TBXAS1: variants seen among roughly 807,000 people sequenced by gnomAD.
TBXAS1 encodes thromboxane-A synthase.
Under a neutral mutation model 60.7 loss-of-function variants are expected in TBXAS1, and 48 were observed. The ratio of observed to expected loss-of-function variants is 0.79; its 90% CI spans 0.63 to 1.01. TBXAS1 has a LOEUF of 1.01. Ranked by LOEUF, TBXAS1 falls within the 50% of genes least tolerant of loss-of-function variation. TBXAS1 has a pLI of 0.00. For synonymous variants in TBXAS1, 287 were observed against 269.7 expected (o/e 1.06, Z -0.63); for missense variants, 685 against 686.3 (o/e 1.00, Z 0.02).
chr7:139,936,139 A>G (rs189021362), intron 4 of TBXAS1, 52 bp from the exon 5 acceptor site: 6 of 1,572,068 alleles, frequency 3.8e-6, no homozygotes, highest in East Asian at 2.2e-5. Flanking sequence ...ATTGCCACCA[A>G]GGTGGCTTTG....
chr7:139,832,083 A>T (rs1311131890), intron 1 of TBXAS1, among the ~76,000 whole-genome samples: 1 of 152,152 alleles, frequency 6.6e-6, no homozygotes, highest in Non-Finnish European at 1.5e-5. Context: ...AGAATAAATC[A>T]GCAATTCTGA....
intron 3 of TBXAS1, among the ~76,000 whole-genome samples, chr7:139,892,621 A>G (rs114655153): frequency 0.026 from 3,971 of 152,026 alleles, 159 homozygotes; most frequent in African/African-American, 0.091. Context: ...AACAACAACA[A>G]CAAAACAAAA....
upstream of TBXAS1, among the ~76,000 whole-genome samples, chr7:139,828,638 C>G (rs148411924): frequency 1.3e-3 from 201 of 150,360 alleles, 1 homozygote; most frequent in African/African-American, 4.7e-3. Context: ...CCCTCCATCT[C>G]TCTGTCCACT....
intron 3 of TBXAS1, among the ~76,000 whole-genome samples, chr7:139,883,423 T>G (rs1802844120): frequency 6.6e-6 from 1 of 152,242 alleles, no homozygotes. Context: ...TACCAGTTCA[T>G]TTCCCCCCAT....
chr7:139,934,829 T>C (rs1193491379), intron 4 of TBXAS1, among the ~76,000 whole-genome samples: 4 of 152,196 alleles, frequency 2.6e-5, no homozygotes, highest in African/African-American at 9.6e-5. Context: ...ACCTCTTTTT[T>C]TGAGACGGAG....
At chr7:139,917,576 T>A (rs1348248623) in intron 4 of TBXAS1, among the ~76,000 whole-genome samples, 4 of 152,214 alleles carry the variant, frequency 2.6e-5, no homozygotes, top group Admixed American at 2.6e-4. Context: ...TCCATGGCAT[T>A]ACATTTAATC....
At chr7:139,939,894 G>T (rs1258337375) in intron 5 of TBXAS1, among the ~76,000 whole-genome samples, 1 of 152,102 alleles carries the variant, frequency 6.6e-6, no homozygotes, top group Admixed American at 6.5e-5. Flanking sequence ...GAAACACGAG[G>T]ACGAAAAAGT....
chr7:140,016,519 A>T, intron 11 of TBXAS1: 1 of 213,562 alleles, frequency 4.7e-6, no homozygotes, highest in South Asian at 5.8e-5. Context: ...TCAGGTCTGC[A>T]CTGGAAAGTA....
rs368875319 is a variant in TBXAS1, at chr7:139,859,646, T to C, written c.90-12589T>C. 2.6e-5 allele frequency among the ~76,000 whole-genome samples: 4 copies of C among 152,328 alleles called. No individual in the cohort carries two copies. In the South Asian group the frequency reaches 6.2e-4, roughly 24 times the overall value. On this transcript the variant is annotated intron_variant, in intron 1 of 12. Transcript: ENST00000448866. The stretch of plus-strand genomic sequence containing the variant: ...TAAATGTACAGGCAACTTGCAGATA[T>C]GGCCAAAATTATAAAGGGGCTATAC...
In TBXAS1 at chr7:139,979,727, CAATAATAATAAT is replaced by C. The variant is rs58553105; in HGVS notation, c.1134+17524_1134+17535del. ...TGGGCAACAGAGCAAGATTCCATCTCAATAATAATAATAATAATAATAATAATAATAATAATA... is the reference window on the plus strand; with the variant it reads ...TGGGCAACAGAGCAAGATTCCATCTCAATAATAATAATAATAATAATAATA... On this transcript the variant is annotated intron_variant, in intron 9 of 12. Coordinates refer to ENST00000448866, the MANE Select transcript of TBXAS1 (RefSeq NM_001061.7). 1.2e-3 allele frequency among the ~76,000 whole-genome samples: 172 copies of C among 139,740 alleles called. 1 individual carries two copies. The highest frequency in any genetic ancestry group is 3.6e-3 in the Middle Eastern group (1 of 274). The allele number at this position is 139,740 out of a possible 152,430, so 91.7% of individuals were successfully genotyped here. A position where few individuals can be genotyped will look rare whatever the true frequency, so the allele number is the denominator to read the frequency against.
chr7:139,964,645 A>G (rs535747877), intron 9 of TBXAS1, among the ~76,000 whole-genome samples: 1 of 152,362 alleles, frequency 6.6e-6, no homozygotes, highest in African/African-American at 2.4e-5. Flanking sequence ...AGTTTAGTAG[A>G]CACAGCAGAG....
intron 4 of TBXAS1, among the ~76,000 whole-genome samples, chr7:139,792,904 A>G (rs1797433080): frequency 6.6e-6 from 1 of 152,206 alleles, no homozygotes. Flanking sequence ...AAGATGGTAA[A>G]GGAAAAGAAG....
At chr7:139,796,236 A>T (rs1797567450) in intron 4 of TBXAS1, among the ~76,000 whole-genome samples, 1 of 152,244 alleles carries the variant, frequency 6.6e-6, no homozygotes, top group Non-Finnish European at 1.5e-5. Flanking sequence ...TGTAGAGCAC[A>T]TAGCGGTATT....
intron 8 of TBXAS1, among the ~76,000 whole-genome samples, chr7:139,958,099 G>T (rs994229979): frequency 6.6e-6 from 1 of 152,154 alleles, no homozygotes; most frequent in African/African-American, 2.4e-5. Flanking sequence ...AATTTTCTGG[G>T]TAAGTGTGCC....
chr7:139,872,216 A>G lies in TBXAS1; in HGVS notation c.90-19A>G. The G allele has an allele frequency of 6.2e-7, 1 of 1,609,754 alleles. No individual in the cohort carries two copies. On this transcript the variant is annotated intron_variant, in intron 1 of 12. Coordinates refer to ENST00000448866, the MANE Select transcript of TBXAS1 (RefSeq NM_001061.7). Reference sequence around the variant, plus strand: ...TGCAACTTCATTTCTCAGCTTTTGAAATCTGCTTTTCCCTCCAGGTACTCC... The same window carrying G: ...TGCAACTTCATTTCTCAGCTTTTGAGATCTGCTTTTCCCTCCAGGTACTCC...
At chr7:139,986,755 ATGTGTGTGTGTG>A (rs72102720) in intron 9 of TBXAS1, among the ~76,000 whole-genome samples, 7 of 79,746 alleles carry the variant, frequency 8.8e-5, no homozygotes, top group South Asian at 4.5e-4. Flanking sequence ...ATATATATAT[ATGTGTGTGTGTG>A]TGTGTGTGTG....
At chr7:139,909,463 A>G (rs1337099115) in intron 3 of TBXAS1, among the ~76,000 whole-genome samples, 3 of 152,160 alleles carry the variant, frequency 2.0e-5, no homozygotes, top group Admixed American at 6.6e-5. Context: ...TTTCTTGGTT[A>G]AAATCAGTAA....
At chr7:139,825,101 T>C (rs531732225), upstream of TBXAS1, among the ~76,000 whole-genome samples, 16 of 151,542 alleles carry the variant, frequency 1.1e-4, no homozygotes, top group Admixed American at 1.1e-3. Context: ...AATGCTGCGA[T>C]TACAGACATG....
At chr7:139,845,374 A>G (rs1476447078) in intron 1 of TBXAS1, among the ~76,000 whole-genome samples, 1 of 151,994 alleles carries the variant, frequency 6.6e-6, no homozygotes, top group African/African-American at 2.4e-5. Context: ...CCAGGTGCTC[A>G]CAGCTCCTCC....
Sources: gnomAD v4.1 joint callset for allele counts (sites outside exome capture counted in the v4.1 genomes callset) on GRCh38, gnomAD v4.1.1 for gene constraint, MANE v1.5 for transcripts, NCBI Gene and HGNC (gene_info 2026-07-23, HGNC 2026-07-21) for gene names.